The following SHTN1 variants were observed in gnomAD, a reference collection of about 807,000 sequenced individuals.
The protein encoded by SHTN1 is shootin 1.
SHTN1 carries 42 observed loss-of-function variants against 83.1 expected under a neutral mutation model. That is an observed-to-expected ratio of 0.51 (90% confidence interval 0.39 to 0.65). The LOEUF is 0.65. Ranked by LOEUF, SHTN1 falls within the 30% of genes least tolerant of loss-of-function variation. The pLI, the probability that SHTN1 is intolerant of heterozygous loss-of-function variation, is 0.00. For missense variants in SHTN1, 622 were observed against 737.8 expected, an observed-to-expected ratio of 0.84 and a Z score of 1.82; for synonymous variants, 224 against 247.7, an observed-to-expected ratio of 0.90 and a Z score of 0.90.
At chr10:116,925,177 A>G (rs2133370987) in intron 11 of SHTN1, among the ~76,000 whole-genome samples, 1 of 152,334 alleles carries the variant, frequency 6.6e-6, no homozygotes, top group Non-Finnish European at 1.5e-5. Context: ...TGGTGTTTCC[A>G]TGAGGATGTT....
intron 3 of SHTN1, among the ~76,000 whole-genome samples, chr10:116,966,037 T>C (rs140720411): frequency 0.012 from 1,901 of 152,284 alleles, 23 homozygotes; most frequent in Non-Finnish European, 0.02. Flanking sequence ...AGACGGAGTC[T>C]CACCCTGTCG....
At position 116,885,337 on chromosome 10, in the gene SHTN1, C is replaced by T. The variant is rs1847132691; in HGVS notation, c.*1007G>A. ...TAAACACCAATTTTGAAACAATCAA[C>T]TTTGAAAAGCTGCATAAGTTTTTTT... is the stretch of plus-strand genomic sequence containing the variant. On this transcript the variant is annotated 3_prime_UTR_variant, in exon 17 of 17. Coordinates refer to ENST00000355371, the MANE Select transcript of SHTN1 (RefSeq NM_001127211.3). 1 of 152,422 alleles carries T rather than the reference C, an allele frequency of 6.6e-6. No individual in the cohort carries two copies. Among genetic ancestry groups the T allele is most frequent in the Non-Finnish European group, 1.5e-5 (1 of 68,000 alleles). The allele number at this position is 152,422 out of a possible 1,614,324, so 9.4% of individuals were successfully genotyped here.
At chr10:116,953,696 C>T (rs893516775) in intron 5 of SHTN1, among the ~76,000 whole-genome samples, 3 of 143,538 alleles carry the variant, frequency 2.1e-5, no homozygotes, top group Non-Finnish European at 3.0e-5. Flanking sequence ...GGCGCAATCT[C>T]GGCTCACTGC....
intron 16 of SHTN1, chr10:116,900,359 T>G: frequency 1.6e-6 from 1 of 612,828 alleles, no homozygotes; most frequent in Non-Finnish European, 2.9e-6. Context: ...CTTTATGGCA[T>G]CTAACAACTG....
chr10:117,094,447 T>G (rs1368611769), intron 1 of SHTN1, among the ~76,000 whole-genome samples: 1 of 152,218 alleles, frequency 6.6e-6, no homozygotes, highest in East Asian at 1.9e-4. Context: ...TAAAGCCATT[T>G]CATAGATAAA....
At chr10:117,054,727 A>G (rs985200415) in intron 1 of SHTN1, among the ~76,000 whole-genome samples, 7 of 151,724 alleles carry the variant, frequency 4.6e-5, no homozygotes, top group Non-Finnish European at 8.8e-5. Context: ...TCTTAACTTA[A>G]ATATTTCTTT....
intron 12 of SHTN1, among the ~76,000 whole-genome samples, chr10:116,916,009 C>T (rs1225578221): frequency 1.3e-5 from 2 of 152,156 alleles, no homozygotes; most frequent in Non-Finnish European, 2.9e-5. Flanking sequence ...TTTTAAACTG[C>T]CATCTTTTGT....
intron 10 of SHTN1, among the ~76,000 whole-genome samples, chr10:116,928,922 C>G (rs886174634): frequency 6.6e-6 from 1 of 152,112 alleles, no homozygotes; most frequent in East Asian, 1.9e-4. Flanking sequence ...AGATTTGAAC[C>G]TTATATATTT....
intron 9 of SHTN1, 35 bp from the exon 10 acceptor site, chr10:116,930,037 C>T: frequency 4.2e-6 from 6 of 1,413,924 alleles, no homozygotes; most frequent in Non-Finnish European, 5.7e-6. Context: ...ACTTTTATGG[C>T]TGACAGTTTT....
At chr10:117,045,274 G>A (rs1852645047) in intron 2 of SHTN1, among the ~76,000 whole-genome samples, 1 of 152,100 alleles carries the variant, frequency 6.6e-6, no homozygotes, top group South Asian at 2.1e-4. Context: ...TGGAAAATAA[G>A]CAAAAGTGTG....
chr10:117,057,644 T>C (rs1450200247), intron 1 of SHTN1, among the ~76,000 whole-genome samples: 1 of 152,182 alleles, frequency 6.6e-6, no homozygotes, highest in Non-Finnish European at 1.5e-5. Context: ...ATTTAGAAAG[T>C]GACTCTGCAT....
rs1211982913 is a variant in SHTN1, at chr10:117,106,736, T to C, written c.-189+19571A>G. 5.3e-5 allele frequency among the ~76,000 whole-genome samples: 8 copies of C among 152,310 alleles called. No individual in the cohort carries two copies. In the East Asian group the frequency reaches 1.4e-3, roughly 26 times the overall value. ...ACTTCTACTATTTCTTTCCTTCTAATTCTTGGGGGTGATCATGTTTCTTAT... is the reference window on the plus strand; with the variant it reads ...ACTTCTACTATTTCTTTCCTTCTAACTCTTGGGGGTGATCATGTTTCTTAT... On this transcript the variant is annotated intron_variant, in intron 1 of 17. Coordinates refer to the SHTN1 transcript ENST00000392901.
At chr10:117,117,955 G>A (rs773190353) in intron 1 of SHTN1, among the ~76,000 whole-genome samples, 3 of 152,090 alleles carry the variant, frequency 2.0e-5, no homozygotes, top group Non-Finnish European at 4.4e-5. Context: ...GAAAAAATTG[G>A]GGAAATGCTC....
chr10:116,933,297 T>C (rs2133383612), intron 9 of SHTN1, among the ~76,000 whole-genome samples: 1 of 152,216 alleles, frequency 6.6e-6, no homozygotes, highest in Non-Finnish European at 1.5e-5. Flanking sequence ...TAGGTGTTTC[T>C]CCTAATGCTA....
intron 1 of SHTN1, among the ~76,000 whole-genome samples, chr10:117,069,967 A>G (rs950192950): frequency 6.6e-6 from 1 of 152,188 alleles, no homozygotes; most frequent in African/African-American, 2.4e-5. Flanking sequence ...AAATTAAGTA[A>G]TGAAATTGGA....
chr10:117,079,343 A>G (rs1357953057), intron 1 of SHTN1, among the ~76,000 whole-genome samples: 11 of 135,552 alleles, frequency 8.1e-5, no homozygotes, highest in Non-Finnish European at 1.5e-4. Flanking sequence ...AATTTCATCC[A>G]TGTCCCTACA....
Position 116,929,945 on chromosome 10 carries a change from G to A in SHTN1, c.916C>T (p.Leu306Phe). 6.2e-7 allele frequency: 1 copy of A among 1,607,658 alleles called. No homozygotes were observed. Among genetic ancestry groups the A allele is most frequent in the Non-Finnish European group, 8.5e-7 (1 of 1,175,922 alleles). The change falls in exon 10 of 17, where the codon CTC becomes TTC. Residue 306 changes from leucine (L) to phenylalanine (F), a missense_variant. Physicochemically the swap from Leu to Phe is conservative, Grantham distance 22. Transcript: ENST00000355371. The stretch of plus-strand genomic sequence containing the variant: ...TCTAGAAGCTCCAGTTGCTGTTTGA[G>A]GTTGTGTATTTCTTTGTGGAGTGTT... ...NETLHKEIHN[L>F]KQQLELLEED...
At chr10:116,949,587 C>T (rs1306863455) in intron 6 of SHTN1, among the ~76,000 whole-genome samples, 1 of 152,142 alleles carries the variant, frequency 6.6e-6, no homozygotes, top group Non-Finnish European at 1.5e-5. Flanking sequence ...ATGGGTGCAG[C>T]ACACCAACAT....
chr10:117,029,639 C>T (rs1252222491), intron 2 of SHTN1, among the ~76,000 whole-genome samples: 1 of 152,120 alleles, frequency 6.6e-6, no homozygotes, highest in East Asian at 1.9e-4. Flanking sequence ...AGTGAGTGCT[C>T]GTGAGCTCTG....
Sources: allele counts gnomAD v4.1 joint callset (sites outside exome capture counted in the v4.1 genomes callset), GRCh38; gene constraint gnomAD v4.1.1; transcripts MANE v1.5; gene names NCBI Gene and HGNC (gene_info 2026-07-23, HGNC 2026-07-21).